ADORA2B: variants seen among roughly 807,000 people sequenced by gnomAD.
ADORA2B encodes adenosine A2b receptor, also known as adenosine receptor A2b.
A neutral mutation model predicts 20.8 loss-of-function variants in ADORA2B; 18 were observed. The observed-to-expected ratio is 0.87, with a 90% CI of 0.60 to 1.29. ADORA2B has a LOEUF of 1.29. Ranked by LOEUF, ADORA2B falls within the 50% of genes most tolerant of loss-of-function variation. The pLI is 0.00. For missense variants in ADORA2B, 441 were observed against 422.7 expected (o/e 1.04, Z -0.38); for synonymous variants, 179 against 178.3 (o/e 1.00, Z -0.03).
chr17:15,867,736 G>A, the ADORA2B span, among the ~76,000 whole-genome samples: 25,825 of 136,396 alleles, frequency 0.19, 1,351 homozygotes, highest in Non-Finnish European at 0.24. Context: ...CTGCCCGGCC[G>A]CCCCTACTGG....
chr17:15,918,539 T>C, the ADORA2B span, among the ~76,000 whole-genome samples: 1 of 152,152 alleles, frequency 6.6e-6, no homozygotes, highest in Non-Finnish European at 1.5e-5. Context: ...TAGCTTGAGG[T>C]CGGCTCACTG....
At chr17:15,925,159 C>A in the ADORA2B span, among the ~76,000 whole-genome samples, 2 of 152,178 alleles carry the variant, frequency 1.3e-5, no homozygotes, top group Middle Eastern at 3.2e-3. Flanking sequence ...CCTCAGCCTC[C>A]CGAGTAGCTG....
the ADORA2B span, among the ~76,000 whole-genome samples, chr17:15,906,276 A>G: frequency 6.6e-6 from 1 of 152,216 alleles, no homozygotes; most frequent in African/African-American, 2.4e-5. Context: ...AGGCAAAAGA[A>G]GTTCTGTTCC....
chr17:15,969,937 A>G (rs2151609312), intron 1 of ADORA2B, among the ~76,000 whole-genome samples: 1 of 152,304 alleles, frequency 6.6e-6, no homozygotes, highest in Middle Eastern at 3.4e-3. Flanking sequence ...ATTTTCCTGC[A>G]TGAAAGCAGC....
chr17:15,883,637 T>C, the ADORA2B span, among the ~76,000 whole-genome samples: 1 of 152,180 alleles, frequency 6.6e-6, no homozygotes, highest in East Asian at 1.9e-4. Flanking sequence ...AAGCCCGTCA[T>C]CAAAGGGCAC....
the ADORA2B span, among the ~76,000 whole-genome samples, chr17:15,893,981 C>A: frequency 6.6e-6 from 1 of 152,184 alleles, no homozygotes; most frequent in Admixed American, 6.5e-5. Context: ...TGTGTCCCAA[C>A]AAAAGTTTAT....
the ADORA2B span, among the ~76,000 whole-genome samples, chr17:15,870,041 T>C: frequency 4.0e-5 from 6 of 150,982 alleles, no homozygotes; most frequent in African/African-American, 1.5e-4. Context: ...GCCCACCACA[T>C]GTTTTTGTAA....
the ADORA2B span, among the ~76,000 whole-genome samples, chr17:15,929,224 AAG>A: frequency 6.6e-6 from 1 of 152,136 alleles, no homozygotes; most frequent in East Asian, 1.9e-4. Context: ...GGGGGTCACT[AAG>A]AGGTAGACAT....
chr17:15,926,022 T>C, the ADORA2B span, among the ~76,000 whole-genome samples: 1 of 152,120 alleles, frequency 6.6e-6, no homozygotes, highest in African/African-American at 2.4e-5. Context: ...GAATTCCTTA[T>C]TTTTTTCTCC....
the ADORA2B span, among the ~76,000 whole-genome samples, chr17:15,862,627 T>C: frequency 6.6e-6 from 1 of 152,118 alleles, no homozygotes; most frequent in Admixed American, 6.5e-5. Context: ...ATTTATGCTG[T>C]AATTTAGTGG....
At position 15,963,479 on chromosome 17, in the gene ADORA2B, C is replaced by A. The variant is rs1178473252; in HGVS notation, c.336-11200C>A. Among the ~76,000 whole-genome samples the A allele has an allele frequency of 2.6e-5, 4 of 152,272 alleles. No individual in the cohort carries two copies. In the East Asian group the frequency reaches 7.7e-4, roughly 29 times the overall value. On this transcript the variant is annotated intron_variant, in intron 1 of 1. Coordinates refer to ENST00000304222, the MANE Select transcript of ADORA2B (RefSeq NM_000676.4). ...CACATCTGAGGCAGTGCTCCGTAAC[C>A]CCAGCCTTGGGAGGGCACTTTTTGG...
At chr17:15,915,154 C>T in the ADORA2B span, among the ~76,000 whole-genome samples, 1 of 152,208 alleles carries the variant, frequency 6.6e-6, no homozygotes, top group Non-Finnish European at 1.5e-5. Flanking sequence ...TTGCCATTCC[C>T]AGCCTCCAGG....
At chr17:15,945,758 C>T (rs1472793347) in intron 1 of ADORA2B, among the ~76,000 whole-genome samples, 175 bp downstream of exon 1, 1 of 152,168 alleles carries the variant, frequency 6.6e-6, no homozygotes, top group African/African-American at 2.4e-5. Flanking sequence ...GACCAGTGCG[C>T]CCGGGCACCC....
the ADORA2B span, among the ~76,000 whole-genome samples, chr17:15,923,197 CTTTTTTTAATTT>C: frequency 1.1e-5 from 1 of 90,334 alleles, no homozygotes; most frequent in South Asian, 3.1e-4. Flanking sequence ...TAATTTCTTT[CTTTTTTTAATTT>C]TTTTTTTTTT....
the ADORA2B span, among the ~76,000 whole-genome samples, chr17:15,892,153 G>A: frequency 2.7e-5 from 4 of 150,202 alleles, no homozygotes; most frequent in Admixed American, 6.7e-5. Context: ...GAGCCACTGC[G>A]CCTGGCCAAA....
At chr17:15,957,749 G>A (rs964492841) in intron 1 of ADORA2B, among the ~76,000 whole-genome samples, 2 of 152,068 alleles carry the variant, frequency 1.3e-5, no homozygotes, top group African/African-American at 4.8e-5. Context: ...CTGCACAGCA[G>A]CCTCTTCCCT....
intron 1 of ADORA2B, among the ~76,000 whole-genome samples, chr17:15,972,092 G>A (rs1342067377): frequency 1.3e-5 from 2 of 152,178 alleles, no homozygotes; most frequent in Non-Finnish European, 2.9e-5. Flanking sequence ...AGTGAGTTAT[G>A]GGGCAGGAGA....
At chr17:15,917,739 G>A in the ADORA2B span, among the ~76,000 whole-genome samples, 3 of 152,246 alleles carry the variant, frequency 2.0e-5, no homozygotes, top group African/African-American at 7.2e-5. Flanking sequence ...GGCCCATGCT[G>A]GTCGCATCAG....
chr17:15,877,506 G>T, the ADORA2B span, among the ~76,000 whole-genome samples: 4 of 152,116 alleles, frequency 2.6e-5, no homozygotes, highest in South Asian at 8.3e-4. Context: ...CCCAGAGAAG[G>T]GCCTTCCAGT....
Sources: allele counts gnomAD v4.1 joint callset (sites outside exome capture counted in the v4.1 genomes callset), GRCh38; gene constraint gnomAD v4.1.1; transcripts MANE v1.5; gene names NCBI Gene and HGNC (gene_info 2026-07-23, HGNC 2026-07-21).